ATP8A2: variants seen among roughly 807,000 people sequenced by gnomAD.
ATP8A2 encodes the protein ATPase phospholipid transporting 8A2.
ATP8A2 carries 100 observed loss-of-function variants against 165.6 expected under a neutral mutation model. The ratio of observed to expected loss-of-function variants is 0.60; its 90% CI spans 0.51 to 0.71. The LOEUF (loss-of-function observed/expected upper bound fraction) is 0.71, where lower values mean the gene tolerates loss of function less well. ATP8A2 is among the 30% of genes least tolerant of loss of function. ATP8A2 has a pLI of 0.00. For synonymous variants in ATP8A2, 543 were observed against 548.8 expected (o/e 0.99, Z 0.15); for missense variants, 1,227 against 1,479.5 (o/e 0.83, Z 2.80).
intron 35 of ATP8A2, among the ~76,000 whole-genome samples, chr13:26,010,076 G>GA (rs1349424292): frequency 6.6e-6 from 1 of 152,052 alleles, no homozygotes; most frequent in African/African-American, 2.4e-5. Context: ...AAAACAAAAA[G>GA]AAAAAAATTA....
rs558796749 is a variant in ATP8A2, at chr13:25,775,741, A to G, written c.2679+782A>G. On this transcript the variant is annotated intron_variant, in intron 27 of 36. Coordinates refer to ENST00000381655, the MANE Select transcript of ATP8A2 (RefSeq NM_016529.6). ...CTATGTTTGTCTATGGAGGAAGGCAATGTTAATTATGGTGTTTTAATGCTT... is the reference window on the plus strand; with the variant it reads ...CTATGTTTGTCTATGGAGGAAGGCAGTGTTAATTATGGTGTTTTAATGCTT... Among the ~76,000 whole-genome samples the G allele has an allele frequency of 6.6e-5, 10 of 152,290 alleles. 1 individual carries two copies. In the South Asian group the frequency reaches 1.5e-3, roughly 22 times the overall value.
chr13:25,960,181 T>C (rs1392495127), intron 33 of ATP8A2, among the ~76,000 whole-genome samples: 1 of 152,038 alleles, frequency 6.6e-6, no homozygotes, highest in Non-Finnish European at 1.5e-5. Context: ...GGGGATGCTG[T>C]GAGTATAGAC....
At chr13:25,777,457 T>G (rs1242030469) in intron 27 of ATP8A2, among the ~76,000 whole-genome samples, 2 of 152,252 alleles carry the variant, frequency 1.3e-5, no homozygotes, top group East Asian at 3.8e-4. Context: ...AAAGAATACT[T>G]TTTTGTTCTA....
chr13:25,446,196 T>C (rs1020287071), intron 1 of ATP8A2, among the ~76,000 whole-genome samples: 2 of 152,162 alleles, frequency 1.3e-5, no homozygotes, highest in African/African-American at 4.8e-5. Context: ...CCTGCCGTCA[T>C]TGTCTCCTGC....
At chr13:25,641,772 C>G (rs2041528477) in intron 24 of ATP8A2, among the ~76,000 whole-genome samples, 1 of 151,760 alleles carries the variant, frequency 6.6e-6, no homozygotes, top group Admixed American at 6.6e-5. Context: ...TCATATGGAA[C>G]CAAAAAAGAG....
At chr13:25,967,401 G>A (rs1417806861) in intron 34 of ATP8A2, among the ~76,000 whole-genome samples, 5 of 152,094 alleles carry the variant, frequency 3.3e-5, no homozygotes, top group African/African-American at 9.7e-5. Flanking sequence ...TCGGAGTGTC[G>A]GGAGATGGCT....
At chr13:25,726,130 T>G (rs2043488217) in intron 25 of ATP8A2, among the ~76,000 whole-genome samples, 1 of 152,176 alleles carries the variant, frequency 6.6e-6, no homozygotes, top group Non-Finnish European at 1.5e-5. Flanking sequence ...AGAAATTCTT[T>G]AAAGAGAATG....
intron 2 of ATP8A2, among the ~76,000 whole-genome samples, chr13:25,492,911 C>G (rs2036570610): frequency 6.6e-6 from 1 of 152,208 alleles, no homozygotes; most frequent in Admixed American, 6.5e-5. Flanking sequence ...GGTCCGTTCC[C>G]TGTTGCTTTA....
chr13:25,868,930 A>G lies in ATP8A2; in HGVS notation c.3183+6522A>G, dbSNP rs766843814. On this transcript the variant is annotated intron_variant, in intron 33 of 36. Coordinates refer to ENST00000381655, the MANE Select transcript of ATP8A2 (RefSeq NM_016529.6). Reference sequence around the variant, plus strand: ...TAAAAATAGAAAAAATTATCCAGGCATGGTGGCGGGCGCCTGTAGTCCCAG... The same window carrying G: ...TAAAAATAGAAAAAATTATCCAGGCGTGGTGGCGGGCGCCTGTAGTCCCAG... Among the ~76,000 whole-genome samples the G allele has an allele frequency of 5.7e-4, 86 of 152,126 alleles. 1 individual carries two copies. The highest frequency in any genetic ancestry group is 6.2e-4 in the Non-Finnish European group (42 of 67,982).
rs528988699 is a variant in ATP8A2 at position 25,754,741 on chromosome 13, GT to G, written c.2385-14299del. On this transcript the variant is annotated intron_variant, in intron 25 of 36. Transcript: ENST00000381655. ...ATCATTTCAGAGATAAAGTACTTCTGTTTTTTAATATAGCAAAAGAGATTAT... is the reference window on the plus strand; with the variant it reads ...ATCATTTCAGAGATAAAGTACTTCTGTTTTTAATATAGCAAAAGAGATTAT... 4.9e-3 allele frequency among the ~76,000 whole-genome samples: 743 copies of G among 152,174 alleles called. 4 individuals are homozygous for G. The highest frequency in any genetic ancestry group is 7.3e-3 in the Non-Finnish European group (496 of 67,988).
At chr13:25,650,349 G>C (rs1485240314) in intron 24 of ATP8A2, among the ~76,000 whole-genome samples, 1 of 152,106 alleles carries the variant, frequency 6.6e-6, no homozygotes, top group Non-Finnish European at 1.5e-5. Flanking sequence ...CCACCATCTT[G>C]CTGATGTCGT....
chr13:26,002,957 T>C (rs978755216), intron 35 of ATP8A2, among the ~76,000 whole-genome samples: 4 of 151,648 alleles, frequency 2.6e-5, no homozygotes, highest in Non-Finnish European at 5.9e-5. Context: ...TTTCCTATCA[T>C]GGCTATTATG....
intron 2 of ATP8A2, among the ~76,000 whole-genome samples, chr13:25,480,887 A>G (rs2137581948): frequency 6.6e-6 from 1 of 152,014 alleles, no homozygotes; most frequent in South Asian, 2.1e-4. Context: ...AGTGAACCAG[A>G]CACCGTCTGC....
Position 25,983,190 on chromosome 13 carries a change from A to T in ATP8A2, c.3377+14511A>T, listed in dbSNP as rs139485138. ...TTTGATTTTCTGTGCTGCCTTCATG[A>T]TAGTGTCCACAGAAAATAATTTTAC... On this transcript the variant is annotated intron_variant, in intron 35 of 36. Transcript: ENST00000381655. Among the ~76,000 whole-genome samples the T allele has an allele frequency of 6.5e-3, 986 of 152,328 alleles. 5 individuals are homozygous for T. Among genetic ancestry groups the T allele is most frequent in the Middle Eastern group, 0.027 (8 of 294 alleles).
intron 28 of ATP8A2, among the ~76,000 whole-genome samples, chr13:25,835,136 C>T (rs997723494): frequency 1.3e-5 from 2 of 152,146 alleles, no homozygotes; most frequent in Admixed American, 1.3e-4. Flanking sequence ...AAGACTGCCA[C>T]GTAAACAGCA....
chr13:25,737,148 C>T (rs2043789820), intron 25 of ATP8A2, among the ~76,000 whole-genome samples: 1 of 152,108 alleles, frequency 6.6e-6, no homozygotes, highest in Non-Finnish European at 1.5e-5. Flanking sequence ...TGTGTGTTGT[C>T]CCATTCAGAG....
chr13:25,547,024 GGA>G (rs1206123666), intron 10 of ATP8A2, among the ~76,000 whole-genome samples: 1 of 152,132 alleles, frequency 6.6e-6, no homozygotes, highest in East Asian at 1.9e-4. Context: ...CAGCTACTCA[GGA>G]GGCTGAGGCA....
chr13:25,597,498 G>A (rs1295089097), intron 24 of ATP8A2, among the ~76,000 whole-genome samples: 1 of 152,242 alleles, frequency 6.6e-6, no homozygotes, highest in Non-Finnish European at 1.5e-5. Flanking sequence ...AGAGGGCCAT[G>A]TGGCAAGAAA....
rs374618769 is a variant in ATP8A2, at chr13:25,538,014, C to T, written c.534C>T (p.Val178=). ...KEVAVGDIVK[V]VNGQYLPADV... ...TGGCAGTGGGAGACATTGTGAAGGT[C>T]GTCAATGGGCAGTATCTTCCAGCAG... Residue 178 remains valine (V), a synonymous_variant, in exon 7 of 37, where the codon GTC becomes GTT. Coordinates refer to ENST00000381655, the MANE Select transcript of ATP8A2 (RefSeq NM_016529.6). 18 of 1,613,678 alleles carry T rather than the reference C, an allele frequency of 1.1e-5. 1 individual carries two copies. In the African/African-American group the frequency reaches 1.5e-4, roughly 13 times the overall value.
Sources: allele counts gnomAD v4.1 joint callset (sites outside exome capture counted in the v4.1 genomes callset), GRCh38; gene constraint gnomAD v4.1.1; transcripts MANE v1.5; gene names NCBI Gene and HGNC (gene_info 2026-07-23, HGNC 2026-07-21).